Variants in HS6ST3 observed in about 807,000 individuals in gnomAD.
The protein encoded by HS6ST3 is heparan-sulfate 6-O-sulfotransferase 3.
In HS6ST3, 12 loss-of-function variants were observed where a neutral mutation model predicts 36.7. The observed-to-expected ratio is 0.33, with a 90% confidence interval of 0.21 to 0.53. The LOEUF (loss-of-function observed/expected upper bound fraction) is 0.53, where lower values mean the gene tolerates loss of function less well. HS6ST3 is among the 20% of genes least tolerant of loss of function. The pLI is 0.95. For synonymous variants in HS6ST3, 240 were observed against 257.5 expected (o/e 0.93, Z 0.65); for missense variants, 584 against 640.9 (o/e 0.91, Z 0.96).
At chr13:96,753,464 C>A (rs1876748940) in intron 1 of HS6ST3, among the ~76,000 whole-genome samples, 1 of 152,000 alleles carries the variant, frequency 6.6e-6, no homozygotes, top group Non-Finnish European at 1.5e-5. Context: ...CTGTATATTT[C>A]TGTTGTTATT....
chr13:96,110,793 A>G (rs1344666397), intron 1 of HS6ST3, among the ~76,000 whole-genome samples: 1 of 152,140 alleles, frequency 6.6e-6, no homozygotes, highest in Non-Finnish European at 1.5e-5. Flanking sequence ...TTTGGAGGAA[A>G]TGGTTGAATT....
chr13:96,443,306 G>A lies in HS6ST3; in HGVS notation c.707+351737G>A, dbSNP rs1015712383. ...AGCACTTTGGGAGGCTGAGGCGGGCGGATCACAAGGTCAGGAGATTGAGAC... is the reference window on the plus strand; with the variant it reads ...AGCACTTTGGGAGGCTGAGGCGGGCAGATCACAAGGTCAGGAGATTGAGAC... On this transcript the variant is annotated intron_variant, in intron 1 of 1. Transcript: ENST00000376705. Among the ~76,000 whole-genome samples the A allele has an allele frequency of 5.3e-5, 8 of 151,942 alleles. No homozygotes were observed. In the South Asian group the frequency reaches 6.2e-4, roughly 12 times the overall value.
At chr13:96,218,638 A>T (rs942525593) in intron 1 of HS6ST3, among the ~76,000 whole-genome samples, 2 of 152,112 alleles carry the variant, frequency 1.3e-5, no homozygotes, top group Non-Finnish European at 2.9e-5. Context: ...TGCCAGGAAG[A>T]CACGTGTCAT....
intron 1 of HS6ST3, among the ~76,000 whole-genome samples, chr13:96,393,334 C>T (rs994304020): frequency 6.6e-6 from 1 of 152,020 alleles, no homozygotes; most frequent in Non-Finnish European, 1.5e-5. Flanking sequence ...CCTAGGGAGA[C>T]CTTAGGTAGC....
rs138677580 is a variant in HS6ST3 at position 96,265,469 on chromosome 13, C to T, written c.707+173900C>T. 1.0e-3 allele frequency among the ~76,000 whole-genome samples: 156 copies of T among 152,150 alleles called. 3 individuals are homozygous for T. The highest frequency in any genetic ancestry group is 6.0e-3 in the South Asian group (29 of 4,820). Reference sequence around the variant, plus strand: ...TGATGGGATTATAGGCATGAGACACCGTGTTTGATGAGCACAACACTGTTG... The same window carrying T: ...TGATGGGATTATAGGCATGAGACACTGTGTTTGATGAGCACAACACTGTTG... On this transcript the variant is annotated intron_variant, in intron 1 of 1. Transcript: ENST00000376705.
intron 1 of HS6ST3, among the ~76,000 whole-genome samples, chr13:96,652,854 A>G (rs2056612242): frequency 6.6e-6 from 1 of 152,102 alleles, no homozygotes; most frequent in Non-Finnish European, 1.5e-5. Flanking sequence ...CATATTTAGT[A>G]GCTCTTTAGA....
At chr13:96,522,372 G>A (rs997088360) in intron 1 of HS6ST3, among the ~76,000 whole-genome samples, 1 of 152,124 alleles carries the variant, frequency 6.6e-6, no homozygotes, top group Non-Finnish European at 1.5e-5. Flanking sequence ...AGGTCTGCTT[G>A]GTCCAGAGCT....
chr13:96,515,263 T>C (rs1026025223), intron 1 of HS6ST3, among the ~76,000 whole-genome samples: 7 of 152,342 alleles, frequency 4.6e-5, no homozygotes, highest in Non-Finnish European at 7.3e-5. Context: ...TTTATGAGAA[T>C]TGAAGACAGC....
Position 96,424,897 on chromosome 13 carries a change from A to G in HS6ST3, c.707+333328A>G, listed in dbSNP as rs368316976. 1.5e-3 allele frequency among the ~76,000 whole-genome samples: 224 copies of G among 152,334 alleles called. 4 individuals are homozygous for G. The highest frequency in any genetic ancestry group is 5.3e-3 in the African/African-American group (220 of 41,578). ...TTTTTTCCATTGAGCAATATTCAAGATAGGTGCCACTAACCTACTATACAC... is the reference window on the plus strand; with the variant it reads ...TTTTTTCCATTGAGCAATATTCAAGGTAGGTGCCACTAACCTACTATACAC... On this transcript the variant is annotated intron_variant, in intron 1 of 1. Transcript: ENST00000376705.
In HS6ST3 at chr13:96,804,400, C is replaced by G. The variant is rs556775146; in HGVS notation, c.708-28090C>G. On this transcript the variant is annotated intron_variant, in intron 1 of 1. Coordinates refer to ENST00000376705, the MANE Select transcript of HS6ST3 (RefSeq NM_153456.4). ...AAGGGTGTGGCCGGGAGCTTACCAA[C>G]ACATTTATAAAGTTATTCTGATTAC... 1.4e-4 allele frequency among the ~76,000 whole-genome samples: 22 copies of G among 152,208 alleles called. No homozygotes were observed. In the East Asian group the frequency reaches 4.3e-3, roughly 30 times the overall value.
intron 1 of HS6ST3, among the ~76,000 whole-genome samples, chr13:96,660,154 G>A (rs2056641481): frequency 6.6e-6 from 1 of 151,970 alleles, no homozygotes; most frequent in Non-Finnish European, 1.5e-5. Flanking sequence ...CCTCTATTTT[G>A]TAGTGTGAAA....
chr13:96,764,450 G>T (rs1435418264), intron 1 of HS6ST3, among the ~76,000 whole-genome samples: 1 of 152,224 alleles, frequency 6.6e-6, no homozygotes, highest in Non-Finnish European at 1.5e-5. Flanking sequence ...AGTGAGTTAA[G>T]CGTGCTTCTC....
intron 1 of HS6ST3, among the ~76,000 whole-genome samples, chr13:96,248,277 G>A (rs903020755): frequency 2.0e-5 from 3 of 152,062 alleles, no homozygotes; most frequent in African/African-American, 7.2e-5. Context: ...TAAGCCCTCG[G>A]CTCAGGTTGT....
At chr13:96,624,964 G>A (rs2056507178) in intron 1 of HS6ST3, among the ~76,000 whole-genome samples, 1 of 152,142 alleles carries the variant, frequency 6.6e-6, no homozygotes, top group African/African-American at 2.4e-5. Flanking sequence ...ATTCACTCAG[G>A]AAAGAATTCA....
At chr13:96,131,416 T>A (rs953199256) in intron 1 of HS6ST3, among the ~76,000 whole-genome samples, 13 of 151,686 alleles carry the variant, frequency 8.6e-5, no homozygotes, top group African/African-American at 2.2e-4. Flanking sequence ...TTACTTTTTT[T>A]AAAAAAACTT....
At chr13:96,191,198 C>T (rs1235430204) in intron 1 of HS6ST3, among the ~76,000 whole-genome samples, 1 of 152,182 alleles carries the variant, frequency 6.6e-6, no homozygotes, top group East Asian at 1.9e-4. Flanking sequence ...CAGCTTCTGA[C>T]TGTTTTTTCT....
intron 1 of HS6ST3, among the ~76,000 whole-genome samples, chr13:96,616,235 A>G (rs2138991776): frequency 6.6e-6 from 1 of 152,270 alleles, no homozygotes; most frequent in Admixed American, 6.5e-5. Flanking sequence ...GGAATTCATT[A>G]TTTTCTTATT....
At chr13:96,551,030 C>T (rs1459090713) in intron 1 of HS6ST3, among the ~76,000 whole-genome samples, 2 of 152,024 alleles carry the variant, frequency 1.3e-5, no homozygotes, top group Non-Finnish European at 2.9e-5. Context: ...TAACTCTGTC[C>T]CAATCTGTCA....
intron 1 of HS6ST3, among the ~76,000 whole-genome samples, chr13:96,125,124 A>G (rs1481972907): frequency 2.6e-5 from 4 of 152,306 alleles, no homozygotes; most frequent in South Asian, 2.1e-4. Context: ...TATGTTGTAC[A>G]TACTGCAAGG....
Sources: allele counts gnomAD v4.1 joint callset (sites outside exome capture counted in the v4.1 genomes callset), GRCh38; gene constraint gnomAD v4.1.1; transcripts MANE v1.5; gene names NCBI Gene and HGNC (gene_info 2026-07-23, HGNC 2026-07-21).